STK3: variants seen among roughly 807,000 people sequenced by gnomAD.
STK3 encodes serine/threonine-protein kinase 3.
Under a neutral mutation model 58.0 loss-of-function variants are expected in STK3, and 41 were observed. That is an observed-to-expected ratio of 0.71 (90% confidence interval 0.55 to 0.92). The LOEUF is 0.92. Among genes scored for constraint, STK3 ranks in the 40% least tolerant of loss-of-function variants. The pLI, the probability that STK3 is intolerant of heterozygous loss-of-function variation, is 0.00. For synonymous variants in STK3, 170 were observed against 191.0 expected (o/e 0.89, Z 0.91); for missense variants, 479 against 602.7 (o/e 0.79, Z 2.15).
chr8:98,488,888 C>T (rs1489287236), intron 10 of STK3, among the ~76,000 whole-genome samples: 1 of 152,130 alleles, frequency 6.6e-6, no homozygotes, highest in Non-Finnish European at 1.5e-5. Flanking sequence ...ACATGTAGCC[C>T]TATGACCAAG....
At chr8:98,768,371 A>T (rs1383674943) in intron 2 of STK3, among the ~76,000 whole-genome samples, 3 of 152,220 alleles carry the variant, frequency 2.0e-5, no homozygotes, top group African/African-American at 7.2e-5. Context: ...TAATATTAGA[A>T]ATCTATGCAG....
At chr8:98,459,797 G>T (rs1819801371) in intron 10 of STK3, among the ~76,000 whole-genome samples, 1 of 152,236 alleles carries the variant, frequency 6.6e-6, no homozygotes, top group African/African-American at 2.4e-5. Flanking sequence ...TGTTGGGCCT[G>T]CGAGTGCACA....
chr8:98,429,110 C>A, intron 3 of STK3: 1 of 1,613,466 alleles, frequency 6.2e-7, no homozygotes, highest in Non-Finnish European at 8.5e-7. Context: ...CAGTGGGGTA[C>A]GGGGATGTGG....
chr8:98,891,709 C>T (rs940257634), intron 1 of STK3, among the ~76,000 whole-genome samples: 32 of 152,148 alleles, frequency 2.1e-4, no homozygotes, highest in African/African-American at 7.2e-4. Context: ...CAGTATGTTA[C>T]ACTGTTAAGA....
At chr8:98,561,378 T>C (rs924788493) in intron 8 of STK3, among the ~76,000 whole-genome samples, 1 of 150,656 alleles carries the variant, frequency 6.6e-6, no homozygotes, top group Non-Finnish European at 1.5e-5. Context: ...CAAAGACCCA[T>C]ATAACATGCA....
intron 6 of STK3, among the ~76,000 whole-genome samples, chr8:98,634,331 A>AAT (rs779540227): frequency 6.3e-4 from 96 of 151,752 alleles, no homozygotes; most frequent in East Asian, 1.2e-3. Context: ...TAAAAGAAAA[A>AAT]ATATATATAT....
intron 6 of STK3, among the ~76,000 whole-genome samples, chr8:98,618,369 C>A (rs1368338272): frequency 2.0e-5 from 3 of 151,760 alleles, no homozygotes; most frequent in South Asian, 4.2e-4. Flanking sequence ...ACTGAATGGG[C>A]AAAAACTGGA....
chr8:98,814,389 G>A (rs1834418101), intron 1 of STK3, among the ~76,000 whole-genome samples: 1 of 146,328 alleles, frequency 6.8e-6, no homozygotes, highest in Non-Finnish European at 1.5e-5. Flanking sequence ...CGCAGTCCAA[G>A]CTGGAATGAA....
At chr8:98,710,397 G>C (rs1826308092) in intron 4 of STK3, among the ~76,000 whole-genome samples, 1 of 152,202 alleles carries the variant, frequency 6.6e-6, no homozygotes. Context: ...CCTAGTCAAA[G>C]AAAGGGGTGA....
downstream of STK3, among the ~76,000 whole-genome samples, chr8:98,369,182 G>C (rs1477019856): frequency 1.3e-5 from 2 of 152,204 alleles, no homozygotes; most frequent in East Asian, 3.8e-4. Context: ...CCTTTTAACA[G>C]AATGAAGCTT....
intron 10 of STK3, among the ~76,000 whole-genome samples, chr8:98,464,945 A>T (rs1202405062): frequency 1.3e-5 from 2 of 152,168 alleles, no homozygotes; most frequent in African/African-American, 4.8e-5. Context: ...CTGGGATTAC[A>T]ATTGGAAACT....
At chr8:98,391,708 C>T (rs1159516763), upstream of STK3, among the ~76,000 whole-genome samples, 6 of 152,160 alleles carry the variant, frequency 3.9e-5, 1 homozygote, top group Admixed American at 3.9e-4. Context: ...CATAGCATCT[C>T]GTGCAGTCTT....
chr8:98,644,165 T>G (rs1820228145), intron 6 of STK3, among the ~76,000 whole-genome samples: 1 of 152,242 alleles, frequency 6.6e-6, no homozygotes, highest in South Asian at 2.1e-4. Context: ...TATTTAGCAC[T>G]ACTGAACTTC....
At chr8:98,625,102 G>T (rs1818616951) in intron 6 of STK3, among the ~76,000 whole-genome samples, 1 of 152,172 alleles carries the variant, frequency 6.6e-6, no homozygotes, top group Non-Finnish European at 1.5e-5. Context: ...CTTCTTATAT[G>T]TAACACCACA....
intron 7 of STK3, among the ~76,000 whole-genome samples, chr8:98,585,189 G>T (rs1415793668): frequency 6.6e-6 from 1 of 151,906 alleles, no homozygotes; most frequent in Admixed American, 6.6e-5. Flanking sequence ...GTCCTGAATG[G>T]TAATGCCTAG....
At chr8:98,856,387 G>A (rs1836682737) in intron 3 of STK3, among the ~76,000 whole-genome samples, 1 of 150,990 alleles carries the variant, frequency 6.6e-6, no homozygotes, top group African/African-American at 2.4e-5. Context: ...TTTAAAATGA[G>A]CAAATGTCTG....
At chr8:98,695,787 T>A (rs1824860206) in intron 6 of STK3, among the ~76,000 whole-genome samples, 1 of 152,216 alleles carries the variant, frequency 6.6e-6, no homozygotes, top group African/African-American at 2.4e-5. Context: ...TAGTTTGAAG[T>A]CAGGTAGTGT....
intron 2 of STK3, among the ~76,000 whole-genome samples, chr8:98,373,873 G>A (rs559921573): frequency 1.3e-5 from 2 of 152,238 alleles, no homozygotes; most frequent in East Asian, 1.9e-4. Context: ...AGCAGAGATG[G>A]GATTTAATCT....
At chr8:98,554,423 T>G (rs1373307426) in intron 8 of STK3, among the ~76,000 whole-genome samples, 2 of 152,156 alleles carry the variant, frequency 1.3e-5, no homozygotes, top group African/African-American at 4.8e-5. Context: ...TGGTATAAAA[T>G]AGTCCTTAGC....
Sources: allele counts gnomAD v4.1 joint callset (sites outside exome capture counted in the v4.1 genomes callset), GRCh38; gene constraint gnomAD v4.1.1; transcripts MANE v1.5; gene names NCBI Gene and HGNC (gene_info 2026-07-23, HGNC 2026-07-21).